Variants in ELMO1 observed in about 807,000 individuals in gnomAD.
ELMO1 encodes the protein engulfment and cell motility protein 1.
Under a neutral mutation model 98.9 loss-of-function variants are expected in ELMO1, and 26 were observed. That is an observed-to-expected ratio of 0.26 (90% confidence interval 0.19 to 0.36). The LOEUF is 0.36. Ranked by LOEUF, ELMO1 falls within the 10% of genes least tolerant of loss-of-function variation. The pLI is 1.00. For missense variants in ELMO1, 627 were observed against 935.2 expected (o/e 0.67, Z 4.30); for synonymous variants, 346 against 346.0 (o/e 1.00, Z 0.00).
At chr7:37,105,493 G>T (rs2129270697) in intron 14 of ELMO1, among the ~76,000 whole-genome samples, 1 of 152,314 alleles carries the variant, frequency 6.6e-6, no homozygotes, top group Middle Eastern at 3.4e-3. Flanking sequence ...TCTCTAACTT[G>T]AGCTTCTATT....
chr7:37,349,678 T>A (rs1801170997), intron 1 of ELMO1, among the ~76,000 whole-genome samples: 1 of 152,170 alleles, frequency 6.6e-6, no homozygotes. Flanking sequence ...GGTCTCGAAC[T>A]CCTGACCTCA....
Position 37,342,857 on chromosome 7 carries a change from G to T in ELMO1, c.-73-94C>A. ...CACTTCCTGTTTTCACTGGTGGTTT[G>T]GTATGAAAAACGGCTCCCCTTGGTG... is the stretch of plus-strand genomic sequence containing the variant. On this transcript the variant is annotated intron_variant, in intron 1 of 21. Coordinates refer to ENST00000310758, the MANE Select transcript of ELMO1 (RefSeq NM_014800.11). The surrounding 1 kb of genome is among the most constrained non-coding windows in gnomAD (Gnocchi z 4.3). 2 of 626,408 alleles carry T rather than the reference G, an allele frequency of 3.2e-6. No individual in the cohort carries two copies. Among genetic ancestry groups the T allele is most frequent in the Non-Finnish European group, 5.3e-6 (2 of 375,552 alleles). 38.8% of individuals were successfully genotyped at this position (626,408 alleles called of 1,614,324 possible).
At chr7:37,250,649 G>C (rs887350324) in intron 6 of ELMO1, among the ~76,000 whole-genome samples, 1 of 151,928 alleles carries the variant, frequency 6.6e-6, no homozygotes, top group African/African-American at 2.4e-5. Context: ...AAAATTAGCC[G>C]GGTGTGGTGG....
At chr7:36,939,831 C>A (rs867133111) in intron 16 of ELMO1, among the ~76,000 whole-genome samples, 9 of 152,336 alleles carry the variant, frequency 5.9e-5, no homozygotes, top group Middle Eastern at 6.8e-3. Flanking sequence ...CGGAGGCATG[C>A]GTGGAGTGGC....
At chr7:36,973,944 C>G (rs1445067918) in intron 16 of ELMO1, among the ~76,000 whole-genome samples, 1 of 152,204 alleles carries the variant, frequency 6.6e-6, no homozygotes, top group Non-Finnish European at 1.5e-5. Flanking sequence ...GCGCTGAGCT[C>G]AATTTCTCAC....
chr7:36,886,420 C>T lies in ELMO1; in HGVS notation c.1714+1140G>A, dbSNP rs561014868. 6.6e-5 allele frequency among the ~76,000 whole-genome samples: 10 copies of T among 152,184 alleles called. 1 individual carries two copies. The highest frequency in any genetic ancestry group is 6.2e-4 in the South Asian group (3 of 4,810). On this transcript the variant is annotated intron_variant, in intron 18 of 21. Transcript: ENST00000310758. Reference sequence around the variant, plus strand: ...GCACAGGACAGTTACAGTAAATGGCCGGGGGATGAGTTCAGCTGACAAACA... The same window carrying T: ...GCACAGGACAGTTACAGTAAATGGCTGGGGGATGAGTTCAGCTGACAAACA...
intron 4 of ELMO1, among the ~76,000 whole-genome samples, chr7:37,294,262 C>A (rs1232956366): frequency 6.6e-6 from 1 of 151,648 alleles, no homozygotes; most frequent in Non-Finnish European, 1.5e-5. Flanking sequence ...GAGGCTGAGA[C>A]AGGAGAATCC....
intron 16 of ELMO1, among the ~76,000 whole-genome samples, chr7:36,907,808 C>T (rs552760223): frequency 2.6e-5 from 4 of 152,332 alleles, no homozygotes; most frequent in South Asian, 2.1e-4. Flanking sequence ...TAATCTATCA[C>T]GGCACTTCTT....
chr7:36,873,737 C>T (rs1283576808), intron 19 of ELMO1, among the ~76,000 whole-genome samples: 2 of 152,224 alleles, frequency 1.3e-5, no homozygotes, highest in Non-Finnish European at 2.9e-5. Flanking sequence ...GTGGTTATCA[C>T]TTCGGACATT....
At chr7:36,999,239 G>A (rs1412448173) in intron 16 of ELMO1, among the ~76,000 whole-genome samples, 1 of 152,154 alleles carries the variant, frequency 6.6e-6, no homozygotes, top group Non-Finnish European at 1.5e-5. Context: ...TGTGCTGTGT[G>A]ATCTTCGTGT....
intron 15 of ELMO1, among the ~76,000 whole-genome samples, chr7:37,048,550 T>G (rs996571286): frequency 1.3e-5 from 2 of 152,204 alleles, no homozygotes; most frequent in East Asian, 3.8e-4. Context: ...TTGAGATCTG[T>G]TCCCCCACCT....
rs781073255 is a variant in ELMO1 at position 37,233,214 on chromosome 7, A to T, written c.450-20T>A. ...CCAAAGCTGAAAAAGACAGAGAGGC[A>T]CAAGAGTCAAGAGCCCCAAAGCTGA... is the stretch of plus-strand genomic sequence containing the variant. On this transcript the variant is annotated intron_variant, in intron 7 of 21. Transcript: ENST00000310758. The T allele has an allele frequency of 6.2e-7, 1 of 1,604,678 alleles. No homozygotes were observed. The highest frequency in any genetic ancestry group is 1.7e-5 in the Admixed American group (1 of 57,982).
intron 16 of ELMO1, among the ~76,000 whole-genome samples, chr7:36,973,811 C>T (rs1335244326): frequency 6.6e-6 from 1 of 152,142 alleles, no homozygotes; most frequent in Non-Finnish European, 1.5e-5. Flanking sequence ...TCCAGATGGG[C>T]GTGGTCTTGG....
At chr7:37,292,067 C>G (rs1797719118) in intron 4 of ELMO1, among the ~76,000 whole-genome samples, 1 of 125,658 alleles carries the variant, frequency 8.0e-6, no homozygotes, top group South Asian at 2.4e-4. Flanking sequence ...CCTGCCTCAG[C>G]TTGCCCAGTA....
At chr7:37,185,112 G>A (rs1377312416) in intron 13 of ELMO1, among the ~76,000 whole-genome samples, 2 of 152,150 alleles carry the variant, frequency 1.3e-5, no homozygotes, top group East Asian at 1.9e-4. Flanking sequence ...CTTAAAGAGC[G>A]GAGTTATTCT....
At chr7:37,184,738 T>C (rs934817586) in intron 13 of ELMO1, among the ~76,000 whole-genome samples, 6 of 151,732 alleles carry the variant, frequency 4.0e-5, no homozygotes, top group African/African-American at 1.5e-4. Flanking sequence ...CAAAACCCCA[T>C]CTCTACCCCC....
intron 16 of ELMO1, among the ~76,000 whole-genome samples, chr7:36,971,076 A>G (rs1789903880): frequency 6.6e-6 from 1 of 152,250 alleles, no homozygotes; most frequent in African/African-American, 2.4e-5. Context: ...TCACTGGTGA[A>G]GTTGTGTGTA....
At chr7:37,094,350 T>C (rs1327556045) in intron 15 of ELMO1, among the ~76,000 whole-genome samples, 1 of 152,140 alleles carries the variant, frequency 6.6e-6, no homozygotes, top group African/African-American at 2.4e-5. Flanking sequence ...GGTGTTTGCC[T>C]TCATCTCCAC....
At chr7:37,305,525 A>G (rs1798568365) in intron 4 of ELMO1, among the ~76,000 whole-genome samples, 1 of 152,202 alleles carries the variant, frequency 6.6e-6, no homozygotes, top group East Asian at 1.9e-4. Flanking sequence ...CTGAAAGCCA[A>G]ACTAAACTTT....
Sources: gnomAD v4.1 joint callset for allele counts (sites outside exome capture counted in the v4.1 genomes callset) on GRCh38, gnomAD v4.1.1 for gene constraint, Gnocchi (gnomAD v3.1) non-coding constraint, MANE v1.5 for transcripts, NCBI Gene and HGNC (gene_info 2026-07-23, HGNC 2026-07-21) for gene names.